The following CADPS variants were observed in gnomAD, a reference collection of about 807,000 sequenced individuals.
The protein encoded by CADPS is calcium-dependent secretion activator 1.
A neutral mutation model predicts 167.3 loss-of-function variants in CADPS; 57 were observed. The observed-to-expected ratio is 0.34, with a 90% CI of 0.28 to 0.42. The LOEUF is 0.42. Ranked by LOEUF, CADPS falls within the 20% of genes least tolerant of loss-of-function variation. The pLI is 1.00. For missense variants in CADPS, 1,414 were observed against 1,738.1 expected, an observed-to-expected ratio of 0.81 and a Z score of 3.32; for synonymous variants, 676 against 635.3, an observed-to-expected ratio of 1.06 and a Z score of -0.96.
At chr3:62,837,075 G>A (rs2076005708) in intron 1 of CADPS, among the ~76,000 whole-genome samples, 1 of 152,084 alleles carries the variant, frequency 6.6e-6, no homozygotes, top group Non-Finnish European at 1.5e-5. Context: ...CCTCTTGCAG[G>A]TAATAATAGT....
chr3:62,762,035 G>C (rs2085586801), intron 2 of CADPS, among the ~76,000 whole-genome samples: 1 of 152,278 alleles, frequency 6.6e-6, no homozygotes, highest in South Asian at 2.1e-4. Context: ...CATGGCCCAG[G>C]CCTCACCAAC....
chr3:62,735,934 T>C (rs1009221800), intron 3 of CADPS, among the ~76,000 whole-genome samples: 2 of 152,214 alleles, frequency 1.3e-5, no homozygotes, highest in Admixed American at 1.3e-4. Context: ...TCTTAGGTTA[T>C]AGCAGTTTAT....
chr3:62,615,515 G>C (rs1464820780), intron 6 of CADPS, among the ~76,000 whole-genome samples: 1 of 152,180 alleles, frequency 6.6e-6, no homozygotes, highest in Non-Finnish European at 1.5e-5. Context: ...TGAGTTGAAT[G>C]AATGTTGATT....
At chr3:62,510,976 A>G (rs915967805) in intron 17 of CADPS, among the ~76,000 whole-genome samples, 1 of 152,148 alleles carries the variant, frequency 6.6e-6, no homozygotes, top group Non-Finnish European at 1.5e-5. Context: ...CTCAACTTTT[A>G]AGTCCAGTTC....
chr3:62,534,247 G>T (rs1393012871), intron 12 of CADPS, among the ~76,000 whole-genome samples: 1 of 152,118 alleles, frequency 6.6e-6, no homozygotes, highest in Non-Finnish European at 1.5e-5. Context: ...GTCATCTTTT[G>T]AATATTGCTC....
At chr3:62,563,845 T>A (rs889549885) in intron 9 of CADPS, among the ~76,000 whole-genome samples, 1 of 152,158 alleles carries the variant, frequency 6.6e-6, no homozygotes, top group African/African-American at 2.4e-5. Flanking sequence ...TCCAATCCCA[T>A]CCAAATTGCT....
chr3:62,720,306 G>T (rs2075508333), intron 3 of CADPS, among the ~76,000 whole-genome samples: 1 of 151,576 alleles, frequency 6.6e-6, no homozygotes, highest in African/African-American at 2.4e-5. Flanking sequence ...AATGGTATCA[G>T]GGGGGCATTT....
intron 9 of CADPS, among the ~76,000 whole-genome samples, chr3:62,567,592 T>C (rs2152429006): frequency 7.2e-6 from 1 of 139,250 alleles, no homozygotes; most frequent in African/African-American, 2.7e-5. Context: ...TTTTTTTTTT[T>C]TTTTTAGAGT....
intron 10 of CADPS, among the ~76,000 whole-genome samples, chr3:62,552,022 C>A (rs2077389995): frequency 6.6e-6 from 1 of 151,976 alleles, no homozygotes; most frequent in South Asian, 2.1e-4. Flanking sequence ...ACTGCTGTAT[C>A]CCTGGAGCCT....
chr3:62,836,025 T>C (rs1354621777), intron 1 of CADPS, among the ~76,000 whole-genome samples: 1 of 152,192 alleles, frequency 6.6e-6, no homozygotes, highest in Non-Finnish European at 1.5e-5. Context: ...ATTGATCAAA[T>C]GACTGAATCA....
intron 13 of CADPS, among the ~76,000 whole-genome samples, chr3:62,520,143 G>A (rs937366643): frequency 3.3e-5 from 5 of 152,138 alleles, no homozygotes; most frequent in African/African-American, 1.2e-4. Flanking sequence ...CAAAAAGTAT[G>A]GAGACTATTT....
chr3:62,458,853 T>A lies in CADPS; in HGVS notation c.3636+6514A>T, dbSNP rs910500614. Among the ~76,000 whole-genome samples the A allele has an allele frequency of 3.9e-5, 6 of 152,220 alleles. No homozygotes were observed. Among genetic ancestry groups the A allele is most frequent in the African/African-American group, 1.4e-4 (6 of 41,448 alleles). On this transcript the variant is annotated intron_variant, in intron 26 of 29. Transcript: ENST00000383710. The surrounding 1 kb of genome is among the most constrained non-coding windows in gnomAD (Gnocchi z 4.6). ...CAGTCTGGAGAAAATACTGTGTGTG[T>A]CTTATGTTTGCTTTGAATGATATTC...
Position 62,559,657 on chromosome 3 carries a change from G to T in CADPS, c.1645-2144C>A, listed in dbSNP as rs1034520132. Among the ~76,000 whole-genome samples, 5 of 152,168 alleles carry T rather than the reference G, an allele frequency of 3.3e-5. No individual in the cohort carries two copies. In the South Asian group the frequency reaches 1.0e-3, roughly 32 times the overall value. The stretch of plus-strand genomic sequence containing the variant: ...TTACAGGCATGCGCCACCATGTCTG[G>T]CTAATTTTGTATTTTTAGTAGAGAC... On this transcript the variant is annotated intron_variant, in intron 9 of 29. Transcript: ENST00000383710.
intron 1 of CADPS, among the ~76,000 whole-genome samples, chr3:62,802,211 T>G (rs1353790180): frequency 6.6e-6 from 1 of 152,136 alleles, no homozygotes; most frequent in Non-Finnish European, 1.5e-5. Flanking sequence ...TGATGCCAAA[T>G]TAAGACACAC....
chr3:62,545,211 T>C (rs1164197303), intron 11 of CADPS, among the ~76,000 whole-genome samples: 2 of 152,092 alleles, frequency 1.3e-5, no homozygotes, highest in Non-Finnish European at 2.9e-5. Context: ...ATTGATCAAA[T>C]GTCAAAGCTT....
chr3:62,838,197 C>A (rs557249639), intron 1 of CADPS, among the ~76,000 whole-genome samples: 2 of 152,316 alleles, frequency 1.3e-5, no homozygotes, highest in Non-Finnish European at 2.9e-5. Context: ...GCATATATTA[C>A]TGACCTCACT....
intron 3 of CADPS, among the ~76,000 whole-genome samples, chr3:62,721,252 C>A (rs1359416096): frequency 6.6e-6 from 1 of 151,748 alleles, no homozygotes; most frequent in Non-Finnish European, 1.5e-5. Context: ...GATAGTGGGA[C>A]CATTCTCCCA....
At chr3:62,846,466 T>C (rs1391397854) in intron 1 of CADPS, among the ~76,000 whole-genome samples, 2 of 152,214 alleles carry the variant, frequency 1.3e-5, no homozygotes, top group African/African-American at 4.8e-5. Flanking sequence ...TCATTCCTTC[T>C]TCATGTGTTA....
At chr3:62,503,182 G>A (rs1405323202) in intron 17 of CADPS, among the ~76,000 whole-genome samples, 1 of 151,978 alleles carries the variant, frequency 6.6e-6, no homozygotes, top group African/African-American at 2.4e-5. Context: ...GTACAATGAA[G>A]AACACCTATA....
Sources: allele counts gnomAD v4.1 joint callset (sites outside exome capture counted in the v4.1 genomes callset), GRCh38; gene constraint gnomAD v4.1.1; non-coding constraint Gnocchi (gnomAD v3.1); transcripts MANE v1.5; gene names NCBI Gene and HGNC (gene_info 2026-07-23, HGNC 2026-07-21).